TNR: variants seen among roughly 807,000 people sequenced by gnomAD.
TNR encodes the protein tenascin R, also known as tenascin-R.
TNR carries 45 observed loss-of-function variants against 150.4 expected under a neutral mutation model. The observed-to-expected ratio is 0.30, with a 90% CI of 0.24 to 0.38. The LOEUF (loss-of-function observed/expected upper bound fraction) is 0.38, where lower values mean the gene tolerates loss of function less well. Among genes scored for constraint, TNR ranks in the 10% least tolerant of loss-of-function variants. The pLI is 1.00. For missense variants in TNR, 1,544 were observed against 1,759.1 expected, an observed-to-expected ratio of 0.88 and a Z score of 2.19; for synonymous variants, 687 against 678.4, an observed-to-expected ratio of 1.01 and a Z score of -0.20.
At chr1:175,450,526 T>G (rs1355950510) in intron 2 of TNR, among the ~76,000 whole-genome samples, 1 of 152,242 alleles carries the variant, frequency 6.6e-6, no homozygotes, top group Non-Finnish European at 1.5e-5. Context: ...AGACAGCTGA[T>G]AGCTCATAAC....
chr1:175,608,639 T>C (rs1663488825), intron 1 of TNR, among the ~76,000 whole-genome samples: 1 of 152,168 alleles, frequency 6.6e-6, no homozygotes, highest in South Asian at 2.1e-4. Context: ...GATTGAGATA[T>C]AGCATGTTCA....
At chr1:175,451,600 C>A (rs1656323997) in intron 2 of TNR, among the ~76,000 whole-genome samples, 1 of 152,166 alleles carries the variant, frequency 6.6e-6, no homozygotes, top group Non-Finnish European at 1.5e-5. Context: ...TGGGGAGACA[C>A]TTTTGGATAC....
At chr1:175,471,397 C>A (rs1657282611) in intron 2 of TNR, among the ~76,000 whole-genome samples, 1 of 152,208 alleles carries the variant, frequency 6.6e-6, no homozygotes, top group African/African-American at 2.4e-5. Context: ...AATGCACTTA[C>A]ACAAACCTAG....
intron 1 of TNR, among the ~76,000 whole-genome samples, chr1:175,736,790 GA>G (rs1667784828): frequency 6.6e-6 from 1 of 151,658 alleles, no homozygotes; most frequent in Admixed American, 6.6e-5. Context: ...AAGGTGGGAG[GA>G]TCACTTAAAG....
At chr1:175,554,768 T>C (rs1043027752) in intron 1 of TNR, among the ~76,000 whole-genome samples, 1 of 152,174 alleles carries the variant, frequency 6.6e-6, no homozygotes, top group Non-Finnish European at 1.5e-5. Context: ...CTTCTCTTTG[T>C]TTTAGTTGTT....
chr1:175,723,291 A>G lies in TNR; in HGVS notation c.-165+19935T>C, dbSNP rs1413885064. Among the ~76,000 whole-genome samples the G allele has an allele frequency of 2.6e-5, 4 of 152,228 alleles. No homozygotes were observed. The East Asian group carries it at 7.7e-4, about 29-fold the overall frequency. On this transcript the variant is annotated intron_variant, in intron 1 of 22. Transcript: ENST00000367674. ...ATTCCTCATACACAGTGGATGCCCT[A>G]ATGCCCAATTTGCAGCCCTCTTCTA...
intron 1 of TNR, among the ~76,000 whole-genome samples, chr1:175,617,780 T>A (rs1663828977): frequency 6.6e-6 from 1 of 152,260 alleles, no homozygotes; most frequent in Non-Finnish European, 1.5e-5. Context: ...ATAGTAATAG[T>A]TAATAACTAC....
At chr1:175,478,120 G>T (rs944097911) in intron 2 of TNR, among the ~76,000 whole-genome samples, 1 of 152,154 alleles carries the variant, frequency 6.6e-6, no homozygotes, top group Non-Finnish European at 1.5e-5. Context: ...TAAACCATTT[G>T]GGGTTATGTG....
rs373707343 is a variant in TNR, at chr1:175,678,870, G to A, written c.-165+64356C>T. On this transcript the variant is annotated intron_variant, in intron 1 of 22. Coordinates refer to ENST00000367674, the MANE Select transcript of TNR (RefSeq NM_003285.3). ...AGACTAGGAGATATCCTTCAGGCAA[G>A]ATCATCTGCATCATCAGAGTACAAG... Among the ~76,000 whole-genome samples, 7 of 152,212 alleles carry A rather than the reference G, an allele frequency of 4.6e-5. No homozygotes were observed. In the East Asian group the frequency reaches 1.3e-3, roughly 29 times the overall value.
At chr1:175,598,229 G>C (rs1309288167) in intron 1 of TNR, among the ~76,000 whole-genome samples, 1 of 152,142 alleles carries the variant, frequency 6.6e-6, no homozygotes, top group Non-Finnish European at 1.5e-5. Flanking sequence ...CAAATGCGAG[G>C]TGTTTTCCCA....
chr1:175,648,203 C>A (rs1256713647), intron 1 of TNR, among the ~76,000 whole-genome samples: 2 of 152,116 alleles, frequency 1.3e-5, no homozygotes, highest in Non-Finnish European at 2.9e-5. Flanking sequence ...ACTGTGAGTT[C>A]TTTGAGACTG....
At chr1:175,341,674 C>T (rs1650529552) in intron 18 of TNR, among the ~76,000 whole-genome samples, 1 of 152,208 alleles carries the variant, frequency 6.6e-6, no homozygotes, top group Non-Finnish European at 1.5e-5. Context: ...GCTTTAATGG[C>T]CCTGGCAAGT....
At chr1:175,340,129 C>A (rs1489465149) in intron 18 of TNR, among the ~76,000 whole-genome samples, 4 of 152,024 alleles carry the variant, frequency 2.6e-5, no homozygotes, top group Admixed American at 2.6e-4. Flanking sequence ...GGGTGCCAAA[C>A]ACTGGATGGG....
At chr1:175,616,402 A>G (rs1663776533) in intron 1 of TNR, among the ~76,000 whole-genome samples, 2 of 151,826 alleles carry the variant, frequency 1.3e-5, no homozygotes, top group African/African-American at 4.8e-5. Flanking sequence ...GGCACCCACA[A>G]CCTCCTGGCA....
rs1653446434 is a variant in TNR at position 175,396,729 on chromosome 1, A to C, written c.1055T>G (p.Val352Gly). The change falls in exon 5 of 23, where the codon GTG (valine) becomes GGG (glycine). Residue 352 changes from valine to glycine, a missense_variant. Around this residue, in one of 2 missense-constraint regions of TNR, gnomAD observed 1,254 missense variants for 1,329.4 expected, o/e 0.94. Coordinates refer to ENST00000367674, the MANE Select transcript of TNR (RefSeq NM_003285.3). ...CTGGTAAGAGATCACATATTCCGTC[A>C]CTGCCATCGGCCCGTCCCATTCCAG... ...IELEWDGPMAVTEYVISYQPT... is the reference protein window; with the variant it reads ...IELEWDGPMAGTEYVISYQPT... 1 of 1,614,078 alleles carries C rather than the reference A, an allele frequency of 6.2e-7. No individual in the cohort carries two copies. Among genetic ancestry groups the C allele is most frequent in the African/African-American group, 1.3e-5 (1 of 74,930 alleles).
In TNR at chr1:175,346,416, T is replaced by A. The variant is rs552896943; in HGVS notation, c.3382+7975A>T. Among the ~76,000 whole-genome samples the A allele has an allele frequency of 7.2e-5, 11 of 152,186 alleles. No homozygotes were observed. In the East Asian group the frequency reaches 2.1e-3, roughly 29 times the overall value. ...GAGGGTGCTCAAGTACTTGGATTGT[T>A]ACACAAAGATGCCATATTGACACAT... On this transcript the variant is annotated intron_variant, in intron 18 of 22. Transcript: ENST00000367674.
intron 2 of TNR, among the ~76,000 whole-genome samples, chr1:175,442,515 T>C (rs1655839294): frequency 6.6e-6 from 1 of 151,408 alleles, no homozygotes; most frequent in South Asian, 2.1e-4. Flanking sequence ...AGTGAGAAGG[T>C]GGTCTCAAGG....
chr1:175,319,574 A>G lies in TNR; in HGVS notation c.*3783T>C, dbSNP rs2101974010. 6.6e-6 allele frequency: 1 copy of G among 152,486 alleles called. No homozygotes were observed. The highest frequency in any genetic ancestry group is 2.1e-4 in the South Asian group (1 of 4,826). The allele number at this position is 152,486 out of a possible 1,614,324, so 9.4% of individuals were successfully genotyped here. ...AAGGAAGCGGGGCATTAGGAGTCCTACCACTTTATGAGTAGTAGAGGGGGA... is the reference window on the plus strand; with the variant it reads ...AAGGAAGCGGGGCATTAGGAGTCCTGCCACTTTATGAGTAGTAGAGGGGGA... On this transcript the variant is annotated 3_prime_UTR_variant, in exon 23 of 23. Transcript: ENST00000367674.
chr1:175,437,574 T>C (rs1414479371), intron 2 of TNR, among the ~76,000 whole-genome samples: 1 of 152,050 alleles, frequency 6.6e-6, no homozygotes, highest in Non-Finnish European at 1.5e-5. Flanking sequence ...CTTCAAAAAA[T>C]CAATGAATTC....
Sources: allele counts gnomAD v4.1 joint callset (sites outside exome capture counted in the v4.1 genomes callset), GRCh38; gene constraint gnomAD v4.1.1; regional missense constraint gnomAD v4.1.1; transcripts MANE v1.5; gene names NCBI Gene and HGNC (gene_info 2026-07-23, HGNC 2026-07-21).